DIP2A: variants seen among roughly 807,000 people sequenced by gnomAD.
DIP2A encodes DIP2 acetate--CoA ligase A.
A neutral mutation model predicts 177.4 loss-of-function variants in DIP2A; 85 were observed. That is an observed-to-expected ratio of 0.48 (90% confidence interval 0.40 to 0.57). The LOEUF (loss-of-function observed/expected upper bound fraction) is 0.57. DIP2A is among the 20% of genes least tolerant of loss of function. The pLI, the probability that DIP2A is intolerant of heterozygous loss-of-function variation, is 0.00. For synonymous variants in DIP2A, 886 were observed against 881.8 expected (o/e 1.00, Z -0.08); for missense variants, 1,791 against 2,100.2 (o/e 0.85, Z 2.88).
At chr21:46,579,612 A>C in the DIP2A span, among the ~76,000 whole-genome samples, 1 of 152,182 alleles carries the variant, frequency 6.6e-6, no homozygotes, top group African/African-American at 2.4e-5. Context: ...TTTCCTCTTA[A>C]TGCTGCTTTA....
At position 46,557,050 on chromosome 21, in the gene DIP2A, G is replaced by T; in HGVS notation, c.3610G>T (p.Ala1204Ser). 6.2e-7 allele frequency: 1 copy of T among 1,607,140 alleles called. No homozygotes were observed. Among genetic ancestry groups the T allele is most frequent in the Non-Finnish European group, 8.5e-7 (1 of 1,177,152 alleles). The change falls in exon 30 of 38, where the codon GCC (alanine) becomes TCC (serine). Residue 1204 changes from alanine to serine, a missense_variant. Ala to Ser is a moderately conservative substitution (Grantham distance 99). Transcript: ENST00000417564. The surrounding 1 kb of genome is among the most constrained non-coding windows in gnomAD (Gnocchi z 6.0). ...CGACCCCTACTGTGGCCTTGGTTTT[G>T]CCCTGTGGTGTCTGTGCAGGTGAGT... ...CLDPYCGLGF[A>S]LWCLCSVYSG... is the part of the protein sequence containing the mutation.
At chr21:46,565,648 C>A in intron 35 of DIP2A, 65 bp from the exon 36 acceptor site, 3 of 1,503,442 alleles carry the variant, frequency 2.0e-6, no homozygotes, top group Non-Finnish European at 2.7e-6. Context: ...CAGTGGATGT[C>A]TCGTGACAGA....
At chr21:46,500,010 G>T (rs2057564371) in intron 5 of DIP2A, among the ~76,000 whole-genome samples, 1 of 152,218 alleles carries the variant, frequency 6.6e-6, no homozygotes, top group Admixed American at 6.5e-5. Context: ...TGGGTGCCGA[G>T]CTCTTTTTTG....
intron 27 of DIP2A, 36 bp from the exon 28 acceptor site, chr21:46,554,786 G>GGGGGGGGGCCCCC: frequency 6.6e-7 from 1 of 1,519,116 alleles, no homozygotes; most frequent in Non-Finnish European, 8.8e-7. Context: ...AGCTTGAGAG[G>GGGGGGGGGCCCCC]CCCCGCCCAC....
At chr21:46,518,359 T>A (rs1262679159) in intron 8 of DIP2A, among the ~76,000 whole-genome samples, 1 of 152,214 alleles carries the variant, frequency 6.6e-6, no homozygotes, top group Non-Finnish European at 1.5e-5. Context: ...GGCCCATCAG[T>A]GTGGGTGGGC....
chr21:46,552,093 G>T (rs1233106838), intron 25 of DIP2A, among the ~76,000 whole-genome samples, 189 bp downstream of exon 25: 1 of 152,174 alleles, frequency 6.6e-6, no homozygotes, highest in African/African-American at 2.4e-5. Flanking sequence ...CAGCCCCCTT[G>T]TCTGGTGCGG....
At position 46,555,994 on chromosome 21, in the gene DIP2A, A is replaced by G. The variant is rs573139009; in HGVS notation, c.3401A>G (p.Lys1134Arg). ...PTILDTDDIP[K>R]KKIASVFRPP... Reference sequence around the variant, plus strand: ...TCCTGTTTAACAGATGACATCCCAAAAAAGAAGATAGCAAGCGTTTTCAGG... The same window carrying G: ...TCCTGTTTAACAGATGACATCCCAAGAAAGAAGATAGCAAGCGTTTTCAGG... The change falls in exon 29 of 38, where the codon AAA (lysine) becomes AGA (arginine). Residue 1134 changes from lysine (K) to arginine (R), a missense_variant. Physicochemically the swap from Lys to Arg is conservative, Grantham distance 26. Transcript: ENST00000417564. 4.8e-4 allele frequency: 777 copies of G among 1,613,706 alleles called. 12 individuals carry two copies. The South Asian group carries it at 8.1e-3, about 17-fold the overall frequency.
intron 28 of DIP2A, chr21:46,555,607 C>T (rs2060438733): frequency 4.0e-6 from 1 of 248,668 alleles, no homozygotes; most frequent in Admixed American, 5.2e-5. Context: ...AGAGCCCGTC[C>T]ACAGCTATTC....
At chr21:46,534,942 A>T (rs2059501822) in intron 13 of DIP2A, among the ~76,000 whole-genome samples, 1 of 152,178 alleles carries the variant, frequency 6.6e-6, no homozygotes, top group African/African-American at 2.4e-5. Context: ...TGTTTTCAGT[A>T]AATGCACATG....
the DIP2A span, among the ~76,000 whole-genome samples, chr21:46,578,406 G>A: frequency 2.0e-5 from 3 of 152,344 alleles, no homozygotes; most frequent in Non-Finnish European, 4.4e-5. Flanking sequence ...TCTGTGAACA[G>A]AGGCAGTTTG....
intron 18 of DIP2A, among the ~76,000 whole-genome samples, chr21:46,544,720 G>A (rs966871093): frequency 7.9e-5 from 12 of 152,208 alleles, no homozygotes; most frequent in Non-Finnish European, 1.5e-5. Context: ...GGCATGGGCA[G>A]AGTTCTGTCA....
At chr21:46,574,786 G>A (rs78132701), downstream of DIP2A, among the ~76,000 whole-genome samples, 1 of 152,054 alleles carries the variant, frequency 6.6e-6, no homozygotes, top group East Asian at 1.9e-4. Flanking sequence ...TAACTAGTAA[G>A]GAGATTGATT....
intron 6 of DIP2A, among the ~76,000 whole-genome samples, chr21:46,505,037 C>A (rs2057900408): frequency 6.6e-6 from 1 of 152,144 alleles, no homozygotes; most frequent in Admixed American, 6.5e-5. Flanking sequence ...TTATCAAAAT[C>A]ATGTCAATTT....
chr21:46,480,516 G>A (rs796829534), intron 1 of DIP2A, among the ~76,000 whole-genome samples: 4 of 152,192 alleles, frequency 2.6e-5, no homozygotes, highest in African/African-American at 4.8e-5. Context: ...GCTCTGTGTC[G>A]GCACCTCCAG....
At chr21:46,523,379 C>T (rs772788801) in intron 8 of DIP2A, among the ~76,000 whole-genome samples, 36 of 146,712 alleles carry the variant, frequency 2.5e-4, no homozygotes, top group African/African-American at 4.0e-4. Context: ...GGATTACAGG[C>T]GTGCGCCTGG....
intron 2 of DIP2A, among the ~76,000 whole-genome samples, chr21:46,487,762 C>T (rs2056778352): frequency 6.6e-6 from 1 of 152,142 alleles, no homozygotes; most frequent in Non-Finnish European, 1.5e-5. Flanking sequence ...GTAAGAAAGA[C>T]AGAACCTACG....
Position 46,565,704 on chromosome 21 carries a change from G to A in DIP2A, c.4165-9G>A. On this transcript the variant is annotated splice_polypyrimidine_tract_variant and intron_variant, in intron 35 of 37. Coordinates refer to ENST00000417564, the MANE Select transcript of DIP2A (RefSeq NM_015151.4). ...AACACATCACATTCTTGTCCTCTGGGCCCACCAGATCTGGGTAAGCAGCCC... is the reference window on the plus strand; with the variant it reads ...AACACATCACATTCTTGTCCTCTGGACCCACCAGATCTGGGTAAGCAGCCC... 1.2e-6 allele frequency: 2 copies of A among 1,611,816 alleles called. No individual in the cohort carries two copies. The highest frequency in any genetic ancestry group is 1.7e-6 in the Non-Finnish European group (2 of 1,178,710).
intron 2 of DIP2A, among the ~76,000 whole-genome samples, chr21:46,488,375 A>G (rs1189400690): frequency 6.6e-6 from 1 of 152,194 alleles, no homozygotes; most frequent in Non-Finnish European, 1.5e-5. Flanking sequence ...AGAACAGAAA[A>G]GATGGACAGG....
At chr21:46,488,843 T>C (rs1422867752) in intron 2 of DIP2A, among the ~76,000 whole-genome samples, 2 of 152,230 alleles carry the variant, frequency 1.3e-5, no homozygotes, top group South Asian at 2.1e-4. Flanking sequence ...TTTGTATCTA[T>C]CTTTGTTGAA....
Sources: allele counts gnomAD v4.1 joint callset (sites outside exome capture counted in the v4.1 genomes callset), GRCh38; gene constraint gnomAD v4.1.1; non-coding constraint Gnocchi (gnomAD v3.1); transcripts MANE v1.5; gene names NCBI Gene and HGNC (gene_info 2026-07-23, HGNC 2026-07-21).